Variants in KCNMA1 observed in about 807,000 individuals in gnomAD.
The protein encoded by KCNMA1 is Calcium-activated potassium channel subunit alpha-1.
KCNMA1 carries 29 observed loss-of-function variants against 140.0 expected under a neutral mutation model. That is an observed-to-expected ratio of 0.21 (90% CI 0.15 to 0.28). The LOEUF is 0.28. Ranked by LOEUF, KCNMA1 falls within the 10% of genes least tolerant of loss-of-function variation. The pLI, the probability that KCNMA1 is intolerant of heterozygous loss-of-function variation, is 1.00. For missense variants in KCNMA1, 880 were observed against 1,602.2 expected (o/e 0.55, Z 7.70); for synonymous variants, 612 against 611.9 (o/e 1.00, Z 0.00).
rs150222709 is a variant in KCNMA1, at chr10:77,575,149, C to T, written c.378+62116G>A. Among the ~76,000 whole-genome samples, 477 of 152,262 alleles carry T rather than the reference C, an allele frequency of 3.1e-3. 7 individuals are homozygous for T. Among genetic ancestry groups the T allele is most frequent in the South Asian group, 0.025 (122 of 4,826 alleles). On this transcript the variant is annotated intron_variant, in intron 1 of 27. Coordinates refer to ENST00000286628, the MANE Select transcript of KCNMA1 (RefSeq NM_001161352.2). ...TTTCTCTAAACCTCATTCTTGCCTC[C>T]ACCAGTGCCCAGAACGAGCCGGCCA...
intron 1 of KCNMA1, chr10:77,636,221 T>C (rs982016459): frequency 2.9e-5 from 41 of 1,429,414 alleles, no homozygotes; most frequent in Middle Eastern, 2.3e-4. Flanking sequence ...CTTTCTTTTT[T>C]ATTCTGCAGT....
At chr10:76,983,783 T>C (rs2080318425) in intron 19 of KCNMA1, among the ~76,000 whole-genome samples, 1 of 150,210 alleles carries the variant, frequency 6.7e-6, no homozygotes, top group South Asian at 2.1e-4. Flanking sequence ...AATAAGTGAG[T>C]CATCCTGAGA....
At position 76,910,271 on chromosome 10, in the gene KCNMA1, T is replaced by C. The variant is rs368714133; in HGVS notation, c.3017-175A>G. The C allele has an allele frequency of 2.8e-4, 184 of 662,612 alleles. 1 individual carries two copies. The African/African-American group carries it at 3.0e-3, about 11-fold the overall frequency. 41.0% of individuals were successfully genotyped at this position (662,612 alleles called of 1,614,324 possible). On this transcript the variant is annotated intron_variant, in intron 24 of 27. Coordinates refer to ENST00000286628, the MANE Select transcript of KCNMA1 (RefSeq NM_001161352.2). Reference sequence around the variant, plus strand: ...GGGGGCAGTGGGACTCAATGGACTGTTCCTGTGTCACTGTTTAAGTGTCTG... The same window carrying C: ...GGGGGCAGTGGGACTCAATGGACTGCTCCTGTGTCACTGTTTAAGTGTCTG...
chr10:77,217,463 A>G (rs1186269934), intron 3 of KCNMA1: 5 of 456,456 alleles, frequency 1.1e-5, no homozygotes, highest in Non-Finnish European at 2.2e-5. Context: ...TATGTATTAA[A>G]GGAATAGGAA....
At chr10:77,437,100 G>T (rs1264080892) in intron 1 of KCNMA1, among the ~76,000 whole-genome samples, 4 of 152,040 alleles carry the variant, frequency 2.6e-5, no homozygotes, top group Admixed American at 6.6e-5. Context: ...TGCCTCCCAG[G>T]ATCTGGAATT....
At chr10:77,349,852 T>A (rs2092656164) in intron 2 of KCNMA1, among the ~76,000 whole-genome samples, 1 of 152,198 alleles carries the variant, frequency 6.6e-6, no homozygotes, top group African/African-American at 2.4e-5. Flanking sequence ...TAAAGAGCTC[T>A]AAACTTCCAG....
At chr10:77,439,186 C>A (rs1247554181) in intron 1 of KCNMA1, among the ~76,000 whole-genome samples, 1 of 148,372 alleles carries the variant, frequency 6.7e-6, no homozygotes, top group Non-Finnish European at 1.5e-5. Flanking sequence ...AGAGAAGATT[C>A]CAAACATACA....
intron 2 of KCNMA1, among the ~76,000 whole-genome samples, chr10:77,377,564 G>T (rs1367897666): frequency 1.3e-5 from 2 of 152,186 alleles, no homozygotes; most frequent in African/African-American, 4.8e-5. Context: ...ATCCTGATCT[G>T]CTCTACTGAG....
chr10:77,141,535 G>A (rs137928224), intron 5 of KCNMA1, among the ~76,000 whole-genome samples: 15 of 152,320 alleles, frequency 9.8e-5, no homozygotes, highest in Admixed American at 3.9e-4. Context: ...CAGAAAGAGA[G>A]CCCTCACCAG....
chr10:77,036,193 C>T (rs1014339869), intron 15 of KCNMA1, among the ~76,000 whole-genome samples: 1 of 152,220 alleles, frequency 6.6e-6, no homozygotes, highest in African/African-American at 2.4e-5. Context: ...CTTGGACTTA[C>T]ACCAGTGATT....
chr10:77,423,016 T>A (rs1341620823), intron 1 of KCNMA1, among the ~76,000 whole-genome samples: 1 of 152,256 alleles, frequency 6.6e-6, no homozygotes, highest in African/African-American at 2.4e-5. Flanking sequence ...CAAGGCCTTA[T>A]TCTTGGTAGG....
intron 5 of KCNMA1, among the ~76,000 whole-genome samples, chr10:77,179,690 A>G (rs1473334858): frequency 6.6e-6 from 1 of 152,152 alleles, no homozygotes; most frequent in Non-Finnish European, 1.5e-5. Flanking sequence ...ATAAAGTCAG[A>G]CCACATACTG....
chr10:77,391,323 G>A (rs974424596), intron 2 of KCNMA1, among the ~76,000 whole-genome samples: 4 of 152,158 alleles, frequency 2.6e-5, no homozygotes, highest in South Asian at 2.1e-4. Flanking sequence ...GCAAGCTTCC[G>A]CTCACAGAGG....
At chr10:77,479,425 T>C (rs1421500300) in intron 1 of KCNMA1, among the ~76,000 whole-genome samples, 2 of 152,136 alleles carry the variant, frequency 1.3e-5, no homozygotes, top group Non-Finnish European at 2.9e-5. Flanking sequence ...GTTCCATCCT[T>C]ACCTTATCCA....
At chr10:76,919,715 G>A (rs773839259) in intron 23 of KCNMA1, among the ~76,000 whole-genome samples, 41 of 151,802 alleles carry the variant, frequency 2.7e-4, no homozygotes, top group African/African-American at 7.3e-4. Flanking sequence ...CTTCTTCATC[G>A]ATAAACCACA....
intron 1 of KCNMA1, among the ~76,000 whole-genome samples, chr10:77,509,100 T>TGG (rs57581002): frequency 7.5e-5 from 6 of 79,754 alleles, no homozygotes; most frequent in African/African-American, 2.6e-4. Flanking sequence ...TTTTGTTGGG[T>TGG]TTTGTTGTTG....
chr10:76,947,621 T>C (rs2064545648), intron 22 of KCNMA1, among the ~76,000 whole-genome samples: 1 of 152,224 alleles, frequency 6.6e-6, no homozygotes, highest in Admixed American at 6.5e-5. Flanking sequence ...AGCATATATA[T>C]GCTTATGCTC....
At chr10:76,954,269 G>GCACACACA (rs10663230) in intron 20 of KCNMA1, among the ~76,000 whole-genome samples, 5 of 141,194 alleles carry the variant, frequency 3.5e-5, no homozygotes, top group African/African-American at 1.0e-4. Context: ...TCCCCAGCGT[G>GCACACACA]CACACACACA....
chr10:77,099,467 G>A (rs1349849391), intron 9 of KCNMA1, among the ~76,000 whole-genome samples: 1 of 152,158 alleles, frequency 6.6e-6, no homozygotes, highest in Non-Finnish European at 1.5e-5. Context: ...GGACTGGAAG[G>A]AGCTACAGGT....
Sources: gnomAD v4.1 joint callset for allele counts (sites outside exome capture counted in the v4.1 genomes callset) on GRCh38, gnomAD v4.1.1 for gene constraint, MANE v1.5 for transcripts, NCBI Gene and HGNC (gene_info 2026-07-23, HGNC 2026-07-21) for gene names.